The following EYA1 variants were observed in gnomAD, a reference collection of about 807,000 sequenced individuals.
EYA1 encodes protein phosphatase EYA1.
Under a neutral mutation model 82.0 loss-of-function variants are expected in EYA1, and 16 were observed. The observed-to-expected ratio is 0.20, with a 90% confidence interval of 0.13 to 0.30. The LOEUF (loss-of-function observed/expected upper bound fraction) is 0.30, where lower values mean the gene tolerates loss of function less well. EYA1 is among the 10% of genes least tolerant of loss of function. EYA1 has a pLI of 1.00. For missense variants in EYA1, 633 were observed against 730.7 expected (o/e 0.87, Z 1.54); for synonymous variants, 261 against 264.4 (o/e 0.99, Z 0.12).
At chr8:71,235,094 A>T (rs1811669259) in intron 12 of EYA1, among the ~76,000 whole-genome samples, 1 of 152,154 alleles carries the variant, frequency 6.6e-6, no homozygotes. Context: ...CCACATCCAG[A>T]CTGCTATATC....
intron 9 of EYA1, among the ~76,000 whole-genome samples, chr8:71,296,578 A>C (rs62506572): frequency 0.05 from 7,555 of 151,988 alleles, 235 homozygotes; most frequent in Middle Eastern, 0.078. Flanking sequence ...CTAGAGTCTA[A>C]CTCTCCAGTA....
At chr8:71,486,595 A>AG (rs1810588509) in intron 2 of EYA1, among the ~76,000 whole-genome samples, 3 of 152,302 alleles carry the variant, frequency 2.0e-5, no homozygotes, top group African/African-American at 4.8e-5. Flanking sequence ...CCGAATCCAG[A>AG]GAAAAAAGAC....
At chr8:71,271,003 C>T (rs11989573) in intron 10 of EYA1, among the ~76,000 whole-genome samples, 4,073 of 152,010 alleles carry the variant, frequency 0.027, 195 homozygotes, top group African/African-American at 0.093. Context: ...CCCAGCTACT[C>T]GGGAGGCTGG....
intron 2 of EYA1, among the ~76,000 whole-genome samples, chr8:71,442,482 C>T (rs1806501030): frequency 6.6e-6 from 1 of 152,178 alleles, no homozygotes; most frequent in South Asian, 2.1e-4. Flanking sequence ...AATCCATAAG[C>T]TGTAGGCAGT....
chr8:71,283,772 A>C (rs1818082098), intron 9 of EYA1, among the ~76,000 whole-genome samples: 1 of 152,192 alleles, frequency 6.6e-6, no homozygotes, highest in African/African-American at 2.4e-5. Context: ...GTGCAAAGCC[A>C]GGAAGACATA....
At chr8:71,224,080 A>G (rs1810278084) in intron 12 of EYA1, among the ~76,000 whole-genome samples, 1 of 152,236 alleles carries the variant, frequency 6.6e-6, no homozygotes, top group Non-Finnish European at 1.5e-5. Context: ...CTAGAAACAC[A>G]AACTCAGAGT....
intron 2 of EYA1, among the ~76,000 whole-genome samples, chr8:71,489,765 T>TA (rs1809601006): frequency 3.3e-5 from 5 of 152,266 alleles, no homozygotes; most frequent in African/African-American, 1.2e-4. Context: ...ATTGGGTTAT[T>TA]TTAATTATAA....
rs561611708 is a variant in EYA1 at position 71,392,440 on chromosome 8, G to A, written c.34-35929C>T. ...AATGGGGCTTACTCCTATATAAGTT[G>A]CTTCATCAAGTTTTGCTCTTCCTCC... On this transcript the variant is annotated intron_variant, in intron 2 of 18. Coordinates refer to the EYA1 transcript ENST00000643681. Among the ~76,000 whole-genome samples, 11 of 152,190 alleles carry A rather than the reference G, an allele frequency of 7.2e-5. No individual in the cohort carries two copies. In the South Asian group the frequency reaches 2.1e-3, roughly 29 times the overall value.
intron 2 of EYA1, among the ~76,000 whole-genome samples, chr8:71,489,034 T>A (rs1018457079): frequency 6.6e-6 from 1 of 152,222 alleles, no homozygotes; most frequent in African/African-American, 2.4e-5. Flanking sequence ...CTCTTCCTGA[T>A]GGAGAGGCAA....
intron 2 of EYA1, among the ~76,000 whole-genome samples, chr8:71,455,555 C>G (rs1271921902): frequency 6.6e-6 from 1 of 152,184 alleles, no homozygotes; most frequent in African/African-American, 2.4e-5. Flanking sequence ...AAAGGCTTAT[C>G]CACGATGATC....
At chr8:71,361,312 G>A (rs746400587) in intron 1 of EYA1, among the ~76,000 whole-genome samples, 51 of 152,144 alleles carry the variant, frequency 3.4e-4, no homozygotes, top group Non-Finnish European at 4.4e-4. Flanking sequence ...CAGCAATTCA[G>A]AAAAGAGATA....
intron 12 of EYA1, among the ~76,000 whole-genome samples, chr8:71,221,767 T>A (rs1472349115): frequency 6.6e-6 from 1 of 152,024 alleles, no homozygotes; most frequent in African/African-American, 2.4e-5. Context: ...CACTAAATGT[T>A]AACTGAATGC....
chr8:71,389,854 CAA>C (rs1284247955), intron 2 of EYA1, among the ~76,000 whole-genome samples: 1 of 152,152 alleles, frequency 6.6e-6, no homozygotes, highest in Non-Finnish European at 1.5e-5. Context: ...GGTTAATACT[CAA>C]TACTTCCCAA....
chr8:71,418,271 T>A (rs1273296755), intron 2 of EYA1, among the ~76,000 whole-genome samples: 1 of 152,200 alleles, frequency 6.6e-6, no homozygotes, highest in Non-Finnish European at 1.5e-5. Context: ...GTTTTTAAAA[T>A]TGAGAGATTT....
intron 2 of EYA1, among the ~76,000 whole-genome samples, chr8:71,368,374 C>T (rs1025127033): frequency 3.3e-5 from 5 of 151,992 alleles, no homozygotes; most frequent in South Asian, 2.1e-4. Context: ...TTTGGCCTCT[C>T]GGGATTGCTG....
At chr8:71,367,576 C>T (rs1409574410) in intron 2 of EYA1, among the ~76,000 whole-genome samples, 1 of 149,766 alleles carries the variant, frequency 6.7e-6, no homozygotes, top group Non-Finnish European at 1.5e-5. Flanking sequence ...AAAAGAGTAA[C>T]CTCTAAAGCT....
At position 71,361,806 on chromosome 8, in the gene EYA1, C is replaced by G. The variant is rs1011510852; in HGVS notation, c.-214G>C. ...CGGCGCTTCTGGGAGTGGAGCGCCT[C>G]TGCAGGGGAAAGCTCGGCGCAGGGG... On this transcript the variant is annotated 5_prime_UTR_variant, in exon 1 of 18. Transcript: ENST00000340726. The G allele has an allele frequency of 1.0e-5, 10 of 985,380 alleles. No individual in the cohort carries two copies. Among genetic ancestry groups the G allele is most frequent in the African/African-American group, 3.5e-5 (2 of 57,248 alleles). The allele number at this position is 985,380 out of a possible 1,614,324, so 61.0% of individuals were successfully genotyped here. A position where few individuals can be genotyped will look rare whatever the true frequency, so the allele number is the denominator to read the frequency against.
intron 2 of EYA1, among the ~76,000 whole-genome samples, chr8:71,511,147 T>TA (rs933791771): frequency 6.6e-5 from 10 of 151,064 alleles, no homozygotes; most frequent in Admixed American, 5.3e-4. Flanking sequence ...TAAATGGTGC[T>TA]AAAAAAAAAT....
intron 9 of EYA1, among the ~76,000 whole-genome samples, chr8:71,274,905 AGC>A (rs1226945318): frequency 2.2e-4 from 34 of 152,146 alleles, no homozygotes; most frequent in Admixed American, 3.9e-4. Context: ...AGAGAGAGTG[AGC>A]GAGCGAGAGA....
Sources: gnomAD v4.1 joint callset for allele counts (sites outside exome capture counted in the v4.1 genomes callset) on GRCh38, gnomAD v4.1.1 for gene constraint, MANE v1.5 for transcripts, NCBI Gene and HGNC (gene_info 2026-07-23, HGNC 2026-07-21) for gene names.